OR51B5: variants seen among roughly 807,000 people sequenced by gnomAD.
The protein encoded by OR51B5 is olfactory receptor 51B5.
For missense variants in OR51B5, 456 were observed against 374.6 expected (o/e 1.22, Z -1.79); for synonymous variants, 186 against 144.8 (o/e 1.28, Z -2.04).
chr11:5,424,511 C>T (rs1850412982), intron 1 of OR51B5, among the ~76,000 whole-genome samples: 1 of 152,104 alleles, frequency 6.6e-6, no homozygotes, highest in South Asian at 2.1e-4. Flanking sequence ...CCTGAGGCCG[C>T]CCTCCATCCT....
chr11:5,463,805 A>C (rs1851093314), intron 1 of OR51B5, among the ~76,000 whole-genome samples: 1 of 152,242 alleles, frequency 6.6e-6, no homozygotes, highest in South Asian at 2.1e-4. Context: ...AAAGAGATAC[A>C]GGAGGGATAT....
At chr11:5,454,413 CA>C (rs1166971641) in intron 1 of OR51B5, 2 of 1,606,204 alleles carry the variant, frequency 1.2e-6, no homozygotes, top group Non-Finnish European at 1.7e-6. Context: ...CATGTTTCAC[CA>C]CATCAAAATA....
downstream of OR51B5, chr11:5,341,419 T>C (rs1270240083): frequency 6.6e-6 from 1 of 152,222 alleles, no homozygotes; most frequent in Non-Finnish European, 1.5e-5. Flanking sequence ...TGCACAATTC[T>C]GTAAAATGAT....
At chr11:5,350,370 C>A (rs767531596) in intron 1 of OR51B5, among the ~76,000 whole-genome samples, 1 of 152,144 alleles carries the variant, frequency 6.6e-6, no homozygotes, top group Non-Finnish European at 1.5e-5. Context: ...TCTTGTAAAT[C>A]GTGCATAAAT....
intron 1 of OR51B5, among the ~76,000 whole-genome samples, chr11:5,411,122 T>C (rs1850143113): frequency 6.6e-6 from 1 of 152,224 alleles, no homozygotes. Context: ...TTTCATCCAC[T>C]CACCACTCAC....
intron 1 of OR51B5, among the ~76,000 whole-genome samples, chr11:5,456,776 G>A (rs1054286504): frequency 1.3e-5 from 2 of 152,148 alleles, no homozygotes; most frequent in East Asian, 1.9e-4. Flanking sequence ...ATTGCTGAAG[G>A]TGGGGCTTGG....
rs150774247 is a variant in OR51B5, at chr11:5,419,086, T to G, written n.85-72176A>C. 4.1e-3 allele frequency among the ~76,000 whole-genome samples: 619 copies of G among 152,282 alleles called. 19 individuals carry two copies. Among genetic ancestry groups the G allele is most frequent in the Admixed American group, 0.029 (442 of 15,290 alleles). On this transcript the variant is annotated intron_variant and non_coding_transcript_variant, in intron 1 of 4. Coordinates refer to the OR51B5 transcript ENST00000415970. ...ACTTTTGATATATCTTCACTCTCCT[T>G]CAAATTGTCTAAAATATTCCCCTTT...
At chr11:5,347,848 C>G (rs1849016335), upstream of OR51B5, among the ~76,000 whole-genome samples, 2 of 152,042 alleles carry the variant, frequency 1.3e-5, 1 homozygote, top group South Asian at 4.1e-4. Context: ...GGAATGGTCT[C>G]TGGGGAGGAG....
chr11:5,462,650 G>A (rs1851075327), intron 1 of OR51B5, among the ~76,000 whole-genome samples: 1 of 152,182 alleles, frequency 6.6e-6, no homozygotes, highest in Admixed American at 6.5e-5. Context: ...GTGCAGCAAG[G>A]GCACTTCCTC....
chr11:5,354,192 C>T (rs1564917682), intron 1 of OR51B5, among the ~76,000 whole-genome samples: 2 of 152,116 alleles, frequency 1.3e-5, no homozygotes, highest in Admixed American at 1.3e-4. Flanking sequence ...TATTGTCTTC[C>T]AAGATATGGG....
chr11:5,405,671 A>G (rs1850047934), intron 1 of OR51B5, among the ~76,000 whole-genome samples: 1 of 152,218 alleles, frequency 6.6e-6, no homozygotes, highest in Admixed American at 6.5e-5. Context: ...ATAAATTTAA[A>G]CATTTTAAAT....
intron 1 of OR51B5, chr11:5,441,031 G>A (rs1850678956): frequency 2.5e-6 from 4 of 1,613,934 alleles, no homozygotes; most frequent in Non-Finnish European, 2.5e-6. Context: ...ACCACAAAAG[G>A]GAAAGGGAAG....
At chr11:5,342,493 T>C, downstream of OR51B5, 4 of 1,434,620 alleles carry the variant, frequency 2.8e-6, no homozygotes, top group Non-Finnish European at 2.8e-6. Context: ...TACCAAGTCA[T>C]ATGAGCATGC....
chr11:5,378,533 A>C (rs1029334169), intron 1 of OR51B5, among the ~76,000 whole-genome samples: 20 of 152,322 alleles, frequency 1.3e-4, no homozygotes, highest in Non-Finnish European at 2.4e-4. Flanking sequence ...CAACCTACAC[A>C]ATGGGAGAAA....
intron 1 of OR51B5, chr11:5,384,019 T>A (rs1004362627): frequency 2.0e-5 from 3 of 152,136 alleles, no homozygotes; most frequent in Non-Finnish European, 4.4e-5. Context: ...AATGCATAGG[T>A]ATCACAAAAG....
rs533817037 is a variant in OR51B5 at position 5,465,894 on chromosome 11, A to G, written n.84+39675T>C. 1.2e-3 allele frequency among the ~76,000 whole-genome samples: 176 copies of G among 151,658 alleles called. 1 individual carries two copies. The highest frequency in any genetic ancestry group is 4.0e-3 in the African/African-American group (163 of 41,236). ...AGGCATCACCATTCAGGACACAGGC[A>G]TGGGCAAGGACTTCATGTCCAAAAC... On this transcript the variant is annotated intron_variant and non_coding_transcript_variant, in intron 1 of 4. Coordinates refer to the OR51B5 transcript ENST00000415970.
intron 1 of OR51B5, among the ~76,000 whole-genome samples, chr11:5,351,104 C>G (rs1849078024): frequency 6.6e-6 from 1 of 152,142 alleles, no homozygotes; most frequent in African/African-American, 2.4e-5. Flanking sequence ...CCCTATAATA[C>G]CACCAGTCAG....
At chr11:5,374,013 G>T (rs577439324) in intron 1 of OR51B5, among the ~76,000 whole-genome samples, 1 of 152,182 alleles carries the variant, frequency 6.6e-6, no homozygotes, top group Non-Finnish European at 1.5e-5. Context: ...ATCTGAGAAC[G>T]GGCAGACTGC....
chr11:5,407,307 A>G (rs2340656), intron 1 of OR51B5, among the ~76,000 whole-genome samples: 127,588 of 152,186 alleles, frequency 0.84, 53,977 homozygotes, highest in Non-Finnish European at 0.89. Flanking sequence ...GTGAATCTCT[A>G]CACATTGACT....
Sources: allele counts gnomAD v4.1 joint callset (sites outside exome capture counted in the v4.1 genomes callset), GRCh38; gene constraint gnomAD v4.1.1; transcripts MANE v1.5; gene names NCBI Gene and HGNC (gene_info 2026-07-23, HGNC 2026-07-21).